Variants in ST6GALNAC3 observed in about 807,000 individuals in gnomAD.
The protein encoded by ST6GALNAC3 is ST6 N-acetylgalactosaminide alpha-2,6-sialyltransferase 3.
Under a neutral mutation model 32.7 loss-of-function variants are expected in ST6GALNAC3, and 25 were observed. That is an observed-to-expected ratio of 0.76 (90% CI 0.56 to 1.07). The LOEUF is 1.07. Among genes scored for constraint, ST6GALNAC3 ranks in the 50% least tolerant of loss-of-function variants. ST6GALNAC3 has a pLI of 0.00. For missense variants in ST6GALNAC3, 355 were observed against 382.4 expected, an observed-to-expected ratio of 0.93 and a Z score of 0.60; for synonymous variants, 129 against 133.1, an observed-to-expected ratio of 0.97 and a Z score of 0.21.
At chr1:76,613,691 GC>G (rs1648089898) in intron 3 of ST6GALNAC3, among the ~76,000 whole-genome samples, 3 of 152,202 alleles carry the variant, frequency 2.0e-5, no homozygotes, top group Admixed American at 6.5e-5. Context: ...AAAGTGTGTA[GC>G]CCCTCTTCCT....
intron 1 of ST6GALNAC3, among the ~76,000 whole-genome samples, chr1:76,224,965 GTTA>G (rs1655984249): frequency 6.6e-6 from 1 of 152,244 alleles, no homozygotes; most frequent in Admixed American, 6.5e-5. Flanking sequence ...ATGTCAGCCT[GTTA>G]TTATAGGAGT....
At chr1:76,345,060 T>C (rs996673376) in intron 2 of ST6GALNAC3, among the ~76,000 whole-genome samples, 1 of 152,110 alleles carries the variant, frequency 6.6e-6, no homozygotes, top group African/African-American at 2.4e-5. Context: ...GATTAATCTG[T>C]AACCAATTCA....
intron 1 of ST6GALNAC3, among the ~76,000 whole-genome samples, chr1:76,129,407 C>G (rs777289589): frequency 3.3e-5 from 5 of 152,124 alleles, no homozygotes; most frequent in Non-Finnish European, 7.4e-5. Flanking sequence ...TGCTCCTCTA[C>G]CCCTGCCAAA....
intron 1 of ST6GALNAC3, among the ~76,000 whole-genome samples, chr1:76,134,609 T>G (rs1649821094): frequency 1.3e-5 from 2 of 152,168 alleles, no homozygotes; most frequent in Non-Finnish European, 2.9e-5. Flanking sequence ...TCCCTGTGAG[T>G]CCCTTAGGTG....
intron 3 of ST6GALNAC3, among the ~76,000 whole-genome samples, chr1:76,595,071 G>A (rs975741531): frequency 1.3e-5 from 2 of 152,106 alleles, no homozygotes; most frequent in Non-Finnish European, 2.9e-5. Flanking sequence ...GACCCTGGCC[G>A]AGCAATGGAT....
intron 1 of ST6GALNAC3, among the ~76,000 whole-genome samples, chr1:76,313,287 G>C (rs540252433): frequency 6.6e-6 from 1 of 152,198 alleles, no homozygotes; most frequent in South Asian, 2.1e-4. Flanking sequence ...GGGATACAGA[G>C]ATCAAGATGA....
chr1:76,174,417 A>G (rs1180267291), intron 1 of ST6GALNAC3, among the ~76,000 whole-genome samples: 2 of 151,952 alleles, frequency 1.3e-5, no homozygotes, highest in African/African-American at 2.4e-5. Context: ...CACATTCTGC[A>G]CATGTATCTC....
intron 1 of ST6GALNAC3, among the ~76,000 whole-genome samples, chr1:76,169,953 ACTT>A (rs1316594780): frequency 7.2e-5 from 11 of 152,174 alleles, no homozygotes; most frequent in Middle Eastern, 3.4e-3. Context: ...TCTTGCACTG[ACTT>A]CTTCTCATCT....
intron 1 of ST6GALNAC3, among the ~76,000 whole-genome samples, chr1:76,251,610 G>A (rs180816269): frequency 1.3e-5 from 2 of 151,988 alleles, no homozygotes; most frequent in Non-Finnish European, 2.9e-5. Flanking sequence ...CATTCTATAA[G>A]TTCCCCAATC....
rs542579191 is a variant in ST6GALNAC3 at position 76,553,271 on chromosome 1, C to T, written c.624-74181C>T. Among the ~76,000 whole-genome samples the T allele has an allele frequency of 3.3e-5, 5 of 152,092 alleles. No homozygotes were observed. The East Asian group carries it at 5.8e-4, about 18-fold the overall frequency. ...ATTTTTTAATATGGAGCATGTAAAA[C>T]GTGTATAATAGTAACAAAAGATATG... On this transcript the variant is annotated intron_variant, in intron 3 of 4. Transcript: ENST00000328299.
intron 2 of ST6GALNAC3, among the ~76,000 whole-genome samples, chr1:76,390,605 G>A (rs552186826): frequency 3.3e-5 from 5 of 152,250 alleles, no homozygotes; most frequent in Middle Eastern, 3.4e-3. Flanking sequence ...GTGTTACTTG[G>A]TGGCTTTGGC....
In ST6GALNAC3 at chr1:76,343,311, A is replaced by G. The variant is rs150258023; in HGVS notation, c.213+29312A>G. 6.1e-3 allele frequency among the ~76,000 whole-genome samples: 927 copies of G among 152,340 alleles called. 4 individuals are homozygous for G. The highest frequency in any genetic ancestry group is 0.021 in the African/African-American group (879 of 41,580). ...AGACTCATAGTAACAAAAGGAAAAT[A>G]GACATCTTTAGCAACTCTTTCAGTA... On this transcript the variant is annotated intron_variant, in intron 2 of 4. Coordinates refer to ENST00000328299, the MANE Select transcript of ST6GALNAC3 (RefSeq NM_152996.4).
At chr1:76,417,127 G>A (rs754628324) in intron 3 of ST6GALNAC3, among the ~76,000 whole-genome samples, 2 of 151,744 alleles carry the variant, frequency 1.3e-5, no homozygotes, top group Non-Finnish European at 1.5e-5. Flanking sequence ...ATTAGACAGG[G>A]TGACCTTGTG....
At chr1:76,204,808 G>C (rs1335096188) in intron 1 of ST6GALNAC3, among the ~76,000 whole-genome samples, 2 of 152,160 alleles carry the variant, frequency 1.3e-5, no homozygotes, top group African/African-American at 4.8e-5. Flanking sequence ...AATCGAGTGA[G>C]AGATAATATG....
At chr1:76,263,876 A>G (rs190334283) in intron 1 of ST6GALNAC3, among the ~76,000 whole-genome samples, 11 of 152,262 alleles carry the variant, frequency 7.2e-5, no homozygotes, top group Non-Finnish European at 1.5e-4. Flanking sequence ...TCGTTTCTGA[A>G]TATGAATGGT....
At chr1:76,540,276 C>T (rs1475094149) in intron 3 of ST6GALNAC3, among the ~76,000 whole-genome samples, 3 of 152,026 alleles carry the variant, frequency 2.0e-5, no homozygotes, top group African/African-American at 2.4e-5. Context: ...AAACACCACA[C>T]GTTCTCACTC....
At chr1:76,104,844 A>G (rs1647411714) in intron 1 of ST6GALNAC3, among the ~76,000 whole-genome samples, 1 of 152,152 alleles carries the variant, frequency 6.6e-6, no homozygotes, top group Non-Finnish European at 1.5e-5. Context: ...CACCTGCGGC[A>G]GACAAGAGAA....
At chr1:76,212,786 A>T (rs1450894626) in intron 1 of ST6GALNAC3, among the ~76,000 whole-genome samples, 1 of 152,180 alleles carries the variant, frequency 6.6e-6, no homozygotes, top group African/African-American at 2.4e-5. Flanking sequence ...AAGGAAGCTC[A>T]TCCGCTCAGT....
intron 3 of ST6GALNAC3, among the ~76,000 whole-genome samples, chr1:76,497,635 G>T (rs1404672651): frequency 6.6e-6 from 1 of 152,160 alleles, no homozygotes; most frequent in Non-Finnish European, 1.5e-5. Flanking sequence ...GAGTGGTTAG[G>T]AGTGAGCCTG....
Sources: allele counts gnomAD v4.1 joint callset (sites outside exome capture counted in the v4.1 genomes callset), GRCh38; gene constraint gnomAD v4.1.1; transcripts MANE v1.5; gene names NCBI Gene and HGNC (gene_info 2026-07-23, HGNC 2026-07-21).